The following WWOX variants were observed in gnomAD, a reference collection of about 807,000 sequenced individuals.
The protein encoded by WWOX is WW domain-containing oxidoreductase.
In WWOX, 69 loss-of-function variants were observed where a neutral mutation model predicts 46.2. The observed-to-expected ratio is 1.49, with a 90% CI of 1.23 to 1.82. WWOX has a LOEUF of 1.82. Among genes scored for constraint, WWOX ranks in the 40% most tolerant of loss-of-function variants. The probability of loss-of-function intolerance (pLI) is 0.00; values close to 1 mark genes in which losing one functional copy is unlikely to be tolerated. For missense variants in WWOX, 919 were observed against 542.6 expected, an observed-to-expected ratio of 1.69 and a Z score of -6.89; for synonymous variants, 359 against 202.6, an observed-to-expected ratio of 1.77 and a Z score of -6.56.
At chr16:78,109,685 G>C in intron 2 of WWOX, 93 bp from the exon 3 acceptor site, 1 of 1,295,290 alleles carries the variant, frequency 7.7e-7, no homozygotes, top group Non-Finnish European at 1.1e-6. Context: ...GACAGGCTTG[G>C]GGGCGGGGCT....
intron 8 of WWOX, among the ~76,000 whole-genome samples, chr16:78,882,220 C>G (rs188425066): frequency 1.1e-3 from 161 of 152,330 alleles, no homozygotes; most frequent in African/African-American, 3.6e-3. Flanking sequence ...CCAATACTTT[C>G]TAACATGTGT....
At chr16:78,955,991 CAA>C in intron 8 of WWOX, among the ~76,000 whole-genome samples, 1 of 147,966 alleles carries the variant, frequency 6.8e-6, no homozygotes. Flanking sequence ...AAACAAAAAA[CAA>C]AAAAAAACAC....
At position 78,685,892 on chromosome 16, in the gene WWOX, GA is replaced by G. The variant is rs747084818; in HGVS notation, c.1056+253148del. Reference sequence around the variant, plus strand: ...CCAAGAAAGGGAAAGAGAGAGAGAGGAAAAAAAACAAAAAAGAAAAAGAAAA... The same window carrying G: ...CCAAGAAAGGGAAAGAGAGAGAGAGGAAAAAAACAAAAAAGAAAAAGAAAA... On this transcript the variant is annotated intron_variant, in intron 8 of 8. Transcript: ENST00000566780. Among the ~76,000 whole-genome samples, 16 of 113,450 alleles carry G rather than the reference GA, an allele frequency of 1.4e-4. 1 individual carries two copies. The highest frequency in any genetic ancestry group is 7.2e-4 in the Admixed American group (7 of 9,718). The allele number at this position is 113,450 out of a possible 152,430, so 74.4% of individuals were successfully genotyped here.
chr16:79,023,449 G>GAACCT (rs1292321652), intron 8 of WWOX, among the ~76,000 whole-genome samples: 1 of 152,146 alleles, frequency 6.6e-6, no homozygotes, highest in East Asian at 1.9e-4. Context: ...GACTGAGACT[G>GAACCT]GGGATGTTCA....
At chr16:78,695,244 T>C (rs2048073854) in intron 8 of WWOX, among the ~76,000 whole-genome samples, 1 of 152,166 alleles carries the variant, frequency 6.6e-6, no homozygotes. Flanking sequence ...ATTATTATTA[T>C]TGTGTTTACA....
In WWOX at chr16:78,480,352, A is replaced by G. The variant is rs143065987; in HGVS notation, c.1056+47600A>G. ...ATGAACCACTTGGGTTCCGAGAGGA[A>G]ACATTATAACTTCTGTTTATCCATT... On this transcript the variant is annotated intron_variant, in intron 8 of 8. Transcript: ENST00000566780. Among the ~76,000 whole-genome samples, 1,090 of 152,336 alleles carry G rather than the reference A, an allele frequency of 7.2e-3. 13 individuals are homozygous for G. Among genetic ancestry groups the G allele is most frequent in the African/African-American group, 0.022 (913 of 41,576 alleles).
At chr16:78,807,993 C>T (rs998144068) in intron 8 of WWOX, among the ~76,000 whole-genome samples, 2 of 152,076 alleles carry the variant, frequency 1.3e-5, no homozygotes, top group Non-Finnish European at 2.9e-5. Flanking sequence ...TTTCTTTTTC[C>T]ATGTTCACTC....
chr16:78,688,361 A>T (rs1216383430), intron 8 of WWOX, among the ~76,000 whole-genome samples: 1 of 139,916 alleles, frequency 7.1e-6, no homozygotes, highest in Non-Finnish European at 1.6e-5. Flanking sequence ...TCACTATATC[A>T]GTTACTTTAA....
chr16:79,111,360 C>T (rs1415367752), intron 8 of WWOX, among the ~76,000 whole-genome samples: 2 of 152,214 alleles, frequency 1.3e-5, no homozygotes, highest in Non-Finnish European at 2.9e-5. Context: ...AGTGTGTTCA[C>T]AGGACTTCTG....
At chr16:78,747,936 C>T (rs2049386520) in intron 8 of WWOX, among the ~76,000 whole-genome samples, 1 of 152,190 alleles carries the variant, frequency 6.6e-6, no homozygotes, top group Non-Finnish European at 1.5e-5. Flanking sequence ...TTAGACTCAG[C>T]ATCCTGCAGC....
intron 5 of WWOX, among the ~76,000 whole-genome samples, chr16:78,322,250 G>T (rs139299950): frequency 6.6e-6 from 1 of 152,122 alleles, no homozygotes; most frequent in Non-Finnish European, 1.5e-5. Context: ...AGTTTCTTCT[G>T]TTGTTTTTAA....
chr16:78,577,390 T>C (rs2044912071), intron 8 of WWOX, among the ~76,000 whole-genome samples: 2 of 152,206 alleles, frequency 1.3e-5, no homozygotes, highest in Non-Finnish European at 2.9e-5. Flanking sequence ...ATTTGTCCCC[T>C]AAATTCCAGC....
chr16:78,712,638 T>A (rs1331694950), intron 8 of WWOX, among the ~76,000 whole-genome samples: 1 of 152,084 alleles, frequency 6.6e-6, no homozygotes, highest in Admixed American at 6.6e-5. Context: ...ATAGGAAAAT[T>A]TGAATATGGA....
intron 8 of WWOX, among the ~76,000 whole-genome samples, chr16:78,792,216 C>G (rs2050622203): frequency 1.3e-5 from 2 of 152,134 alleles, no homozygotes; most frequent in Admixed American, 1.3e-4. Flanking sequence ...TGGCTAAGCT[C>G]CCCTGCATTG....
At chr16:78,167,686 C>G (rs1041254034) in intron 5 of WWOX, 1 of 152,146 alleles carries the variant, frequency 6.6e-6, no homozygotes, top group Non-Finnish European at 1.5e-5. Context: ...ATTATGGAAA[C>G]TCAAATTTTG....
rs141975630 is a variant in WWOX at position 78,782,357 on chromosome 16, G to A, written c.1056+349605G>A. On this transcript the variant is annotated intron_variant, in intron 8 of 8. Coordinates refer to ENST00000566780, the MANE Select transcript of WWOX (RefSeq NM_016373.4). ...GTTTTCCTACTTTTCTTTGGCCACT[G>A]TTTTTGCCACAGCTTCTAGGATTTC... Among the ~76,000 whole-genome samples the A allele has an allele frequency of 3.7e-3, 561 of 152,258 alleles. 6 individuals are homozygous for A. Among genetic ancestry groups the A allele is most frequent in the South Asian group, 0.019 (93 of 4,822 alleles).
chr16:78,511,934 A>T (rs1220778513), intron 8 of WWOX, among the ~76,000 whole-genome samples: 1 of 152,198 alleles, frequency 6.6e-6, no homozygotes. Context: ...TTCTGTTTAC[A>T]CATTCTTCTG....
At chr16:78,235,356 C>G (rs763807709) in intron 5 of WWOX, among the ~76,000 whole-genome samples, 3 of 152,120 alleles carry the variant, frequency 2.0e-5, no homozygotes, top group Admixed American at 6.5e-5. Flanking sequence ...TGGAGGGAAA[C>G]AAGCCTGCCA....
chr16:78,666,932 A>G (rs1597416652), intron 8 of WWOX, among the ~76,000 whole-genome samples: 1 of 152,224 alleles, frequency 6.6e-6, no homozygotes, highest in East Asian at 1.9e-4. Flanking sequence ...GTTGATGTCC[A>G]GGGGGTGACA....
Sources: gnomAD v4.1 joint callset for allele counts (sites outside exome capture counted in the v4.1 genomes callset) on GRCh38, gnomAD v4.1.1 for gene constraint, MANE v1.5 for transcripts, NCBI Gene and HGNC (gene_info 2026-07-23, HGNC 2026-07-21) for gene names.